WDPCP: variants seen among roughly 807,000 people sequenced by gnomAD.
The protein encoded by WDPCP is WD repeat containing planar cell polarity effector, also known as WD repeat-containing and planar cell polarity effector protein fritz homolog.
Under a neutral mutation model 93.1 loss-of-function variants are expected in WDPCP, and 71 were observed. That is an observed-to-expected ratio of 0.76 (90% CI 0.63 to 0.93). The LOEUF (loss-of-function observed/expected upper bound fraction) is 0.93, where lower values mean the gene tolerates loss of function less well. WDPCP is among the 40% of genes least tolerant of loss of function. WDPCP has a pLI of 0.00. For missense variants in WDPCP, 844 were observed against 887.4 expected (o/e 0.95, Z 0.62); for synonymous variants, 315 against 315.0 (o/e 1.00, Z 0.00).
intron 1 of WDPCP, among the ~76,000 whole-genome samples, chr2:63,503,639 G>A (rs936867623): frequency 7.2e-5 from 11 of 152,114 alleles, no homozygotes; most frequent in African/African-American, 2.6e-4. Flanking sequence ...AAACAGAAAT[G>A]TTAGCAATGT....
intron 2 of WDPCP, among the ~76,000 whole-genome samples, chr2:63,715,490 A>T (rs1669324859): frequency 6.6e-6 from 1 of 152,236 alleles, no homozygotes; most frequent in African/African-American, 2.4e-5. Flanking sequence ...CTTCATAAAG[A>T]GAAGCCTGAC....
At chr2:63,366,698 TA>T (rs1690940257) in intron 12 of WDPCP, among the ~76,000 whole-genome samples, 1 of 152,138 alleles carries the variant, frequency 6.6e-6, no homozygotes, top group African/African-American at 2.4e-5. Context: ...TGTTATACTC[TA>T]TACCATACTG....
intron 2 of WDPCP, among the ~76,000 whole-genome samples, chr2:63,806,606 A>G (rs1353217260): frequency 6.6e-6 from 1 of 152,140 alleles, no homozygotes; most frequent in Admixed American, 6.5e-5. Flanking sequence ...TGGGAGCGCT[A>G]TGGGAGACGA....
At chr2:63,383,129 G>T (rs1023699205) in intron 10 of WDPCP, among the ~76,000 whole-genome samples, 1 of 151,918 alleles carries the variant, frequency 6.6e-6, no homozygotes, top group Non-Finnish European at 1.5e-5. Flanking sequence ...AGGTGATAAA[G>T]AGAAAATCTT....
intron 17 of WDPCP, among the ~76,000 whole-genome samples, chr2:63,140,460 CGTTT>C (rs949532342): frequency 6.6e-6 from 1 of 151,944 alleles, no homozygotes; most frequent in African/African-American, 2.4e-5. Flanking sequence ...GATGTGTTTC[CGTTT>C]GTTTGCGTCA....
At chr2:63,675,044 C>T (rs1192248225) in intron 2 of WDPCP, among the ~76,000 whole-genome samples, 1 of 152,136 alleles carries the variant, frequency 6.6e-6, no homozygotes, top group Non-Finnish European at 1.5e-5. Flanking sequence ...TGGTTCTCAC[C>T]TGCCCTGGTC....
chr2:63,655,560 A>G (rs979758107), intron 2 of WDPCP, among the ~76,000 whole-genome samples: 4 of 152,118 alleles, frequency 2.6e-5, no homozygotes, highest in Non-Finnish European at 5.9e-5. Context: ...GTTAATTTTT[A>G]TATTTTAATA....
chr2:63,212,862 A>C (rs1381857940), intron 14 of WDPCP, among the ~76,000 whole-genome samples: 1 of 152,188 alleles, frequency 6.6e-6, no homozygotes, highest in Non-Finnish European at 1.5e-5. Flanking sequence ...AGCAAAGATC[A>C]AAAGAGACAA....
At chr2:63,289,310 T>A (rs1188011648) in intron 13 of WDPCP, among the ~76,000 whole-genome samples, 2 of 152,144 alleles carry the variant, frequency 1.3e-5, no homozygotes, top group South Asian at 2.1e-4. Context: ...TATTTACTTG[T>A]ATCATTATGA....
rs70965139 is a variant in WDPCP at position 63,575,507 on chromosome 2, A to AGTGTATGCG, written c.75+12689_75+12690insCGCATACAC. On this transcript the variant is annotated intron_variant, in intron 1 of 17. Coordinates refer to ENST00000272321, the MANE Select transcript of WDPCP (RefSeq NM_015910.7). Reference sequence around the variant, plus strand: ...TATATATAGTATATACAGTATATACACTGTATATATAGTATATACAGTATA... The same window carrying AGTGTATGCG: ...TATATATAGTATATACAGTATATACAGTGTATGCGCTGTATATATAGTATATACAGTATA... Among the ~76,000 whole-genome samples, 950 of 95,608 alleles carry AGTGTATGCG rather than the reference A, an allele frequency of 9.9e-3. 332 individuals carry two copies. The highest frequency in any genetic ancestry group is 0.039 in the African/African-American group (892 of 22,844). 62.7% of individuals were successfully genotyped at this position (95,608 alleles called of 152,430 possible).
At chr2:63,638,603 A>C (rs1387287863) in intron 3 of WDPCP, among the ~76,000 whole-genome samples, 1 of 152,144 alleles carries the variant, frequency 6.6e-6, no homozygotes, top group Non-Finnish European at 1.5e-5. Flanking sequence ...CAGTCTGGGC[A>C]ATATAGTGAG....
intron 14 of WDPCP, among the ~76,000 whole-genome samples, chr2:63,207,982 A>G (rs1466565321): frequency 6.6e-6 from 1 of 151,902 alleles, no homozygotes; most frequent in African/African-American, 2.4e-5. Context: ...AATTGTGTTT[A>G]CTTAGTCTTG....
chr2:63,493,043 G>T, intron 1 of WDPCP, 103 bp from the exon 2 acceptor site: 1 of 988,668 alleles, frequency 1.0e-6, no homozygotes, highest in Non-Finnish European at 1.6e-6. Flanking sequence ...CGCCACAACT[G>T]TTATTTGAAA....
At chr2:63,811,562 A>C (rs769550511) in intron 2 of WDPCP, among the ~76,000 whole-genome samples, 2 of 151,964 alleles carry the variant, frequency 1.3e-5, no homozygotes, top group Non-Finnish European at 2.9e-5. Context: ...TTTCCCAGTC[A>C]AGTTGCCAAA....
At chr2:63,247,258 C>T (rs924562699) in intron 14 of WDPCP, among the ~76,000 whole-genome samples, 24 of 152,142 alleles carry the variant, frequency 1.6e-4, no homozygotes, top group African/African-American at 5.6e-4. Context: ...AGGCAGAAAG[C>T]TTGCCATTGT....
intron 3 of WDPCP, among the ~76,000 whole-genome samples, chr2:63,629,040 CTAAGTA>C (rs1709839441): frequency 6.6e-6 from 1 of 152,186 alleles, no homozygotes; most frequent in Non-Finnish European, 1.5e-5. Flanking sequence ...ATTATTTCCT[CTAAGTA>C]TAACTAAAGG....
At chr2:63,346,695 T>G (rs950584240) in intron 12 of WDPCP, among the ~76,000 whole-genome samples, 1 of 152,186 alleles carries the variant, frequency 6.6e-6, no homozygotes, top group Non-Finnish European at 1.5e-5. Flanking sequence ...TGTAGATTTA[T>G]GGAGCTCTTT....
chr2:63,299,944 A>G (rs941060253), intron 13 of WDPCP, among the ~76,000 whole-genome samples: 6 of 152,172 alleles, frequency 3.9e-5, no homozygotes, highest in Non-Finnish European at 7.3e-5. Context: ...TGGCGGCTCC[A>G]TCTTCCCTTC....
intron 9 of WDPCP, among the ~76,000 whole-genome samples, chr2:63,406,234 CA>C (rs1460331929): frequency 6.6e-6 from 1 of 152,092 alleles, no homozygotes; most frequent in Non-Finnish European, 1.5e-5. Flanking sequence ...GCCTTTACTC[CA>C]CTCTTCAAAC....
Sources: gnomAD v4.1 joint callset for allele counts (sites outside exome capture counted in the v4.1 genomes callset) on GRCh38, gnomAD v4.1.1 for gene constraint, MANE v1.5 for transcripts, NCBI Gene and HGNC (gene_info 2026-07-23, HGNC 2026-07-21) for gene names.